The following SLC38A8 variants were observed in gnomAD, a reference collection of about 807,000 sequenced individuals.
The protein encoded by SLC38A8 is solute carrier family 38 member 8, also known as amino acid transporter SLC38A8.
A neutral mutation model predicts 46.0 loss-of-function variants in SLC38A8; 65 were observed. That is an observed-to-expected ratio of 1.41 (90% confidence interval 1.16 to 1.74). The LOEUF (loss-of-function observed/expected upper bound fraction) is 1.74, where lower values mean the gene tolerates loss of function less well. SLC38A8 is among the 40% of genes most tolerant of loss of function. SLC38A8 has a pLI of 0.00. For missense variants in SLC38A8, 998 were observed against 567.9 expected, an observed-to-expected ratio of 1.76 and a Z score of -7.70; for synonymous variants, 447 against 243.7, an observed-to-expected ratio of 1.83 and a Z score of -7.77.
chr16:84,031,928 T>C lies in SLC38A8; in HGVS notation c.571A>G (p.Ile191Val), dbSNP rs779303273. ...TLAACYLALV[I>V]TVQYYLWPQG... Reference sequence around the variant, plus strand: ...GGCCAGAGGTAGTACTGCACGGTGATGACCAGGGCCAGGTAACAGGCAGCC... The same window carrying C: ...GGCCAGAGGTAGTACTGCACGGTGACGACCAGGGCCAGGTAACAGGCAGCC... Residue 191 changes from isoleucine (I) to valine (V), a missense_variant, in exon 5 of 11, where the codon ATC becomes GTC. By Grantham distance (29) the Ile-to-Val change is conservative. Transcript: ENST00000299709. 2.5e-6 allele frequency: 4 copies of C among 1,614,102 alleles called. No individual in the cohort carries two copies. In the African/African-American group the frequency reaches 4.0e-5, roughly 16 times the overall value.
chr16:84,037,283 G>C (rs1264633518), intron 2 of SLC38A8, among the ~76,000 whole-genome samples: 1 of 152,202 alleles, frequency 6.6e-6, no homozygotes, highest in Non-Finnish European at 1.5e-5. Context: ...GAGGTGGAGC[G>C]GGCACAGCCG....
chr16:84,037,728 T>C (rs1273408727), intron 2 of SLC38A8, among the ~76,000 whole-genome samples: 2 of 148,898 alleles, frequency 1.3e-5, no homozygotes, highest in African/African-American at 5.0e-5. Context: ...ACCTCTGTAC[T>C]CCAGCCTGGG....
Position 84,036,633 on chromosome 16 carries a change from C to A in SLC38A8, c.388+69G>T, listed in dbSNP as rs8057543. 524,330 of 1,566,718 alleles carry A rather than the reference C, an allele frequency of 0.33. 90,834 individuals carry two copies. Among genetic ancestry groups the A allele is most frequent in the East Asian group, 0.57 (24,623 of 43,222 alleles). On this transcript the variant is annotated intron_variant, in intron 3 of 10. Transcript: ENST00000299709. ...GGCCAGGGCCCCACGTCCTGCTCAACTGGAAACTCCAAGAGGTCATTAGAG... is the reference window on the plus strand; with the variant it reads ...GGCCAGGGCCCCACGTCCTGCTCAAATGGAAACTCCAAGAGGTCATTAGAG...
At chr16:84,041,429 C>A in intron 2 of SLC38A8, 1 of 153,362 alleles carries the variant, frequency 6.5e-6, no homozygotes, top group Non-Finnish European at 1.5e-5. Flanking sequence ...TCTCCTGACT[C>A]CACCTCCTGA....
chr16:84,019,156 C>T (rs2085067339), intron 7 of SLC38A8, among the ~76,000 whole-genome samples: 1 of 151,878 alleles, frequency 6.6e-6, no homozygotes, highest in East Asian at 1.9e-4. Context: ...CTCACTGCAA[C>T]CTGTGCCTTC....
At chr16:84,029,945 A>G (rs2151123525) in intron 5 of SLC38A8, among the ~76,000 whole-genome samples, 1 of 152,326 alleles carries the variant, frequency 6.6e-6, no homozygotes, top group African/African-American at 2.4e-5. Context: ...AGCTCTGTCC[A>G]AGCCACCTAA....
chr16:84,015,178 C>G (rs971969426), intron 9 of SLC38A8, among the ~76,000 whole-genome samples: 2 of 152,154 alleles, frequency 1.3e-5, no homozygotes, highest in Non-Finnish European at 2.9e-5. Flanking sequence ...CGACTGTGTA[C>G]TCAACACTTG....
chr16:84,024,081 C>A (rs2085130191), intron 6 of SLC38A8, among the ~76,000 whole-genome samples: 1 of 152,174 alleles, frequency 6.6e-6, no homozygotes, highest in Non-Finnish European at 1.5e-5. Flanking sequence ...TGGCCGGGAC[C>A]TACTACATGC....
chr16:84,017,685 G>T (rs78678194), intron 7 of SLC38A8, among the ~76,000 whole-genome samples: 1,952 of 152,280 alleles, frequency 0.013, 20 homozygotes, highest in Non-Finnish European at 0.021. Flanking sequence ...GGAAAACCAA[G>T]AGCCAGGGCA....
intron 8 of SLC38A8, 120 bp from the exon 9 acceptor site, chr16:84,016,847 C>G: frequency 3.4e-6 from 4 of 1,192,560 alleles, no homozygotes; most frequent in Non-Finnish European, 4.6e-6. Flanking sequence ...GTTCCACACT[C>G]AGGTGTTTAT....
chr16:84,018,618 C>G (rs1451415194), intron 7 of SLC38A8, among the ~76,000 whole-genome samples: 1 of 152,166 alleles, frequency 6.6e-6, no homozygotes, highest in African/African-American at 2.4e-5. Context: ...ATGCCTGCCT[C>G]TTATGTGGGC....
intron 6 of SLC38A8, among the ~76,000 whole-genome samples, chr16:84,023,382 C>G (rs1459605181): frequency 6.6e-6 from 1 of 152,108 alleles, no homozygotes; most frequent in East Asian, 1.9e-4. Context: ...AAAAAGCACC[C>G]CTCTGCACAA....
chr16:84,013,730 T>C (rs1597248535), intron 9 of SLC38A8, among the ~76,000 whole-genome samples: 2 of 70,308 alleles, frequency 2.8e-5, no homozygotes, highest in South Asian at 8.7e-4. Context: ...CACCCAGCCC[T>C]TTTTTTTTTT....
chr16:84,024,349 A>ATT (rs149722401), intron 6 of SLC38A8, among the ~76,000 whole-genome samples: 1 of 151,452 alleles, frequency 6.6e-6, no homozygotes, highest in African/African-American at 2.4e-5. Context: ...TGGGGTAAGC[A>ATT]TTTTTTTTTG....
At chr16:84,035,174 A>T (rs1256948081) in intron 3 of SLC38A8, among the ~76,000 whole-genome samples, 1 of 152,184 alleles carries the variant, frequency 6.6e-6, no homozygotes, top group Non-Finnish European at 1.5e-5. Context: ...AATCCTTCTT[A>T]ACACAGCAAC....
intron 6 of SLC38A8, among the ~76,000 whole-genome samples, chr16:84,024,084 C>G (rs1257094484): frequency 6.6e-6 from 1 of 152,170 alleles, no homozygotes; most frequent in Non-Finnish European, 1.5e-5. Flanking sequence ...CCGGGACCTA[C>G]TACATGCCAG....
chr16:84,024,128 A>G (rs2085131362), intron 6 of SLC38A8, among the ~76,000 whole-genome samples: 1 of 152,076 alleles, frequency 6.6e-6, no homozygotes, highest in Admixed American at 6.6e-5. Flanking sequence ...GTGACAACCC[A>G]AAATGTCTGC....
chr16:84,023,413 G>C (rs1380711397), intron 6 of SLC38A8, among the ~76,000 whole-genome samples: 1 of 152,142 alleles, frequency 6.6e-6, no homozygotes, highest in Non-Finnish European at 1.5e-5. Context: ...ACTTTGCTAA[G>C]AATCCTTTCA....
At chr16:84,025,562 G>T (rs539989756) in intron 6 of SLC38A8, among the ~76,000 whole-genome samples, 33 of 152,254 alleles carry the variant, frequency 2.2e-4, no homozygotes, top group African/African-American at 7.2e-4. Context: ...CTTGGGCCAG[G>T]ATCGGAGCCT....
Sources: allele counts gnomAD v4.1 joint callset (sites outside exome capture counted in the v4.1 genomes callset), GRCh38; gene constraint gnomAD v4.1.1; transcripts MANE v1.5; gene names NCBI Gene and HGNC (gene_info 2026-07-23, HGNC 2026-07-21).